The following NARS2 variants were observed in gnomAD, a reference collection of about 807,000 sequenced individuals.
NARS2 encodes the protein asparaginyl-tRNA synthetase.
Under a neutral mutation model 62.9 loss-of-function variants are expected in NARS2, and 60 were observed. The ratio of observed to expected loss-of-function variants is 0.95; its 90% CI spans 0.77 to 1.18. NARS2 has a LOEUF of 1.18. NARS2 is among the 50% of genes most tolerant of loss of function. The probability of loss-of-function intolerance (pLI) is 0.00; values close to 1 mark genes in which losing one functional copy is unlikely to be tolerated. For missense variants in NARS2, 619 were observed against 576.4 expected (o/e 1.07, Z -0.76); for synonymous variants, 196 against 200.0 (o/e 0.98, Z 0.17).
intron 4 of NARS2, among the ~76,000 whole-genome samples, chr11:78,562,733 T>C (rs1182428316): frequency 6.6e-6 from 1 of 152,198 alleles, no homozygotes; most frequent in Admixed American, 6.5e-5. Context: ...TTTTAGTACA[T>C]AACAAGTATG....
chr11:78,446,344 T>C (rs907712613), intron 11 of NARS2, among the ~76,000 whole-genome samples: 4 of 152,224 alleles, frequency 2.6e-5, no homozygotes, highest in African/African-American at 9.6e-5. Context: ...CTAGGCTGAA[T>C]CAGAGTGAGC....
rs1856824525 is a variant in NARS2, at chr11:78,568,762, C to CA, written c.252-11dup. 6.4e-7 allele frequency: 1 copy of CA among 1,573,690 alleles called. No individual in the cohort carries two copies. The highest frequency in any genetic ancestry group is 8.7e-7 in the Non-Finnish European group (1 of 1,155,604). On this transcript the variant is annotated splice_polypyrimidine_tract_variant and intron_variant, in intron 2 of 13. Coordinates refer to ENST00000281038, the MANE Select transcript of NARS2 (RefSeq NM_024678.6). ...CCCAAAATTTAATTCTCTATAGTAACAAAAAACAAGATAAACAAGATATCA... is the reference window on the plus strand; with the variant it reads ...CCCAAAATTTAATTCTCTATAGTAACAAAAAAACAAGATAAACAAGATATCA...
chr11:78,544,039 A>G (rs1855748400), intron 5 of NARS2, among the ~76,000 whole-genome samples: 1 of 150,838 alleles, frequency 6.6e-6, no homozygotes, highest in South Asian at 2.1e-4. Flanking sequence ...AAAAAAAAAA[A>G]ACTCTCTCTC....
At chr11:78,497,591 A>G (rs1359018288) in intron 6 of NARS2, among the ~76,000 whole-genome samples, 1 of 152,208 alleles carries the variant, frequency 6.6e-6, no homozygotes, top group African/African-American at 2.4e-5. Context: ...GGATTTTAAA[A>G]GTTTTTGCCA....
intron 12 of NARS2, among the ~76,000 whole-genome samples, chr11:78,443,418 C>T (rs1857642070): frequency 6.6e-6 from 1 of 151,842 alleles, no homozygotes; most frequent in Non-Finnish European, 1.5e-5. Context: ...AGCTACTTTC[C>T]ATAGGGAAAG....
chr11:78,521,826 T>C (rs921334008), intron 6 of NARS2, among the ~76,000 whole-genome samples: 3 of 149,238 alleles, frequency 2.0e-5, no homozygotes, highest in Admixed American at 6.7e-5. Context: ...CCCGGATACA[T>C]GGTTGTAGCC....
chr11:78,547,594 T>C (rs990170589), intron 5 of NARS2, among the ~76,000 whole-genome samples: 20 of 151,914 alleles, frequency 1.3e-4, no homozygotes, highest in African/African-American at 4.8e-4. Flanking sequence ...TCCCAGCATT[T>C]TGGGAGGCCA....
At chr11:78,509,215 A>C (rs530980008) in intron 6 of NARS2, among the ~76,000 whole-genome samples, 1 of 152,310 alleles carries the variant, frequency 6.6e-6, no homozygotes, top group South Asian at 2.1e-4. Flanking sequence ...AAATGTCAAT[A>C]AAAAATCTTA....
intron 13 of NARS2, among the ~76,000 whole-genome samples, chr11:78,437,183 A>G (rs1296771303): frequency 6.6e-6 from 1 of 152,210 alleles, no homozygotes; most frequent in Non-Finnish European, 1.5e-5. Flanking sequence ...TAGGTTAATC[A>G]CAATGTTTTC....
Position 78,484,039 on chromosome 11 carries a change from G to A in NARS2, c.823-5356C>T, listed in dbSNP as rs539158474. ...ACAACATGGTACTGTTACCAAAACA[G>A]ATATGTGGACCCATGGAACAAAACA... is the stretch of plus-strand genomic sequence containing the variant. On this transcript the variant is annotated intron_variant, in intron 7 of 13. Transcript: ENST00000281038. Among the ~76,000 whole-genome samples, 34 of 152,232 alleles carry A rather than the reference G, an allele frequency of 2.2e-4. No homozygotes were observed. In the South Asian group the frequency reaches 5.2e-3, roughly 23 times the overall value.
At chr11:78,504,196 A>G (rs899477459) in intron 6 of NARS2, among the ~76,000 whole-genome samples, 2 of 152,272 alleles carry the variant, frequency 1.3e-5, no homozygotes, top group African/African-American at 4.8e-5. Flanking sequence ...GAGAATCAGG[A>G]GGAAAGCCCA....
At chr11:78,445,443 A>G (rs1460436661) in intron 11 of NARS2, among the ~76,000 whole-genome samples, 1 of 152,196 alleles carries the variant, frequency 6.6e-6, no homozygotes, top group African/African-American at 2.4e-5. Flanking sequence ...CAACCTAGTG[A>G]AACCCCCTCT....
chr11:78,548,181 T>C (rs556540740), intron 5 of NARS2, among the ~76,000 whole-genome samples: 1 of 152,194 alleles, frequency 6.6e-6, no homozygotes, highest in South Asian at 2.1e-4. Flanking sequence ...TGCAAGTGCA[T>C]GCACTCCAGC....
At chr11:78,499,907 T>C (rs529347550) in intron 6 of NARS2, among the ~76,000 whole-genome samples, 2 of 152,330 alleles carry the variant, frequency 1.3e-5, no homozygotes, top group South Asian at 4.1e-4. Flanking sequence ...TAAAATTACC[T>C]ATATAATTTT....
At chr11:78,559,148 C>A (rs2135514738) in intron 5 of NARS2, among the ~76,000 whole-genome samples, 1 of 151,866 alleles carries the variant, frequency 6.6e-6, no homozygotes, top group South Asian at 2.1e-4. Flanking sequence ...ACTAAAAATA[C>A]AAAAATTAGC....
At chr11:78,509,361 C>T (rs1387340895) in intron 6 of NARS2, among the ~76,000 whole-genome samples, 1 of 152,056 alleles carries the variant, frequency 6.6e-6, no homozygotes, top group Non-Finnish European at 1.5e-5. Context: ...AATGAAAGTA[C>T]ACTAGGCATT....
intron 4 of NARS2, among the ~76,000 whole-genome samples, chr11:78,560,988 G>T (rs372595626): frequency 6.6e-6 from 1 of 152,202 alleles, no homozygotes; most frequent in Non-Finnish European, 1.5e-5. Context: ...TGGGGAAGGG[G>T]AGGTGGAGAG....
intron 5 of NARS2, among the ~76,000 whole-genome samples, chr11:78,557,273 C>A (rs1180021706): frequency 6.6e-6 from 1 of 152,036 alleles, no homozygotes; most frequent in South Asian, 2.1e-4. Flanking sequence ...AAAATGTGCA[C>A]CATTACGAGA....
intron 9 of NARS2, among the ~76,000 whole-genome samples, chr11:78,475,941 T>C (rs973326295): frequency 1.6e-4 from 24 of 152,178 alleles, no homozygotes; most frequent in African/African-American, 5.8e-4. Flanking sequence ...TGTGAGTGGT[T>C]ATCTCAGTGC....
Sources: gnomAD v4.1 joint callset for allele counts (sites outside exome capture counted in the v4.1 genomes callset) on GRCh38, gnomAD v4.1.1 for gene constraint, MANE v1.5 for transcripts, NCBI Gene and HGNC (gene_info 2026-07-23, HGNC 2026-07-21) for gene names.